UBAP1: variants seen among roughly 807,000 people sequenced by gnomAD.
The protein encoded by UBAP1 is ubiquitin-associated protein 1.
UBAP1 carries 5 observed loss-of-function variants against 39.0 expected under a neutral mutation model. The observed-to-expected ratio is 0.13, with a 90% CI of 0.07 to 0.27. UBAP1 has a LOEUF of 0.27. Ranked by LOEUF, UBAP1 falls within the 10% of genes least tolerant of loss-of-function variation. The pLI, the probability that UBAP1 is intolerant of heterozygous loss-of-function variation, is 1.00. For missense variants in UBAP1, 490 were observed against 608.1 expected, an observed-to-expected ratio of 0.81 and a Z score of 2.04; for synonymous variants, 211 against 225.1, an observed-to-expected ratio of 0.94 and a Z score of 0.56.
intron 3 of UBAP1, among the ~76,000 whole-genome samples, chr9:34,239,104 G>T (rs948803005): frequency 1.3e-5 from 2 of 152,232 alleles, no homozygotes; most frequent in Non-Finnish European, 2.9e-5. Context: ...GAGTGCAGTG[G>T]CGCCATCTTG....
intron 3 of UBAP1, among the ~76,000 whole-genome samples, chr9:34,239,528 A>G (rs1305562341): frequency 6.6e-6 from 1 of 152,260 alleles, no homozygotes; most frequent in Non-Finnish European, 1.5e-5. Context: ...GTGAGCCAGT[A>G]AAACATACAC....
rs914778818 is a variant in UBAP1, at chr9:34,185,322, C to T, written c.-8+6082C>T. Among the ~76,000 whole-genome samples, 8 of 152,066 alleles carry T rather than the reference C, an allele frequency of 5.3e-5. No individual in the cohort carries two copies. The East Asian group carries it at 5.8e-4, about 11-fold the overall frequency. On this transcript the variant is annotated intron_variant, in intron 1 of 6. Transcript: ENST00000297661. ...CAGCAGTTTGGGAATCCCAGGCGGG[C>T]GGATTGCTTGAGCCCAGAAGTTCAA...
chr9:34,215,295 A>C (rs1832241793), intron 1 of UBAP1, among the ~76,000 whole-genome samples: 1 of 151,872 alleles, frequency 6.6e-6, no homozygotes, highest in Admixed American at 6.6e-5. Context: ...GTGTGTATAT[A>C]TATGTATATA....
intron 1 of UBAP1, chr9:34,201,572 A>T (rs1434983115): frequency 6.6e-6 from 1 of 152,064 alleles, no homozygotes; most frequent in East Asian, 1.9e-4. Context: ...CAACAACAAA[A>T]ATGTAGATTA....
chr9:34,220,257 T>G (rs1272755420), intron 1 of UBAP1, among the ~76,000 whole-genome samples: 1 of 141,554 alleles, frequency 7.1e-6, no homozygotes, highest in African/African-American at 2.7e-5. Flanking sequence ...GCTTAAGTGA[T>G]CATCTCACAT....
At chr9:34,201,962 T>C (rs186930751) in intron 1 of UBAP1, among the ~76,000 whole-genome samples, 1 of 152,114 alleles carries the variant, frequency 6.6e-6, no homozygotes, top group Non-Finnish European at 1.5e-5. Flanking sequence ...TAAAGGCGAT[T>C]GCAAAGTATA....
At chr9:34,199,320 G>A (rs768628326) in intron 1 of UBAP1, among the ~76,000 whole-genome samples, 13 of 152,154 alleles carry the variant, frequency 8.5e-5, no homozygotes, top group Non-Finnish European at 1.6e-4. Flanking sequence ...TGATCCCCCC[G>A]CCTTGGCCTC....
intron 4 of UBAP1, among the ~76,000 whole-genome samples, chr9:34,244,339 T>G (rs2131627114): frequency 6.9e-6 from 1 of 144,514 alleles, no homozygotes; most frequent in East Asian, 2.0e-4. Flanking sequence ...CATAATGATC[T>G]CCAGTTCCAT....
chr9:34,224,143 G>T, intron 2 of UBAP1: 2 of 729,586 alleles, frequency 2.7e-6, no homozygotes, highest in Admixed American at 3.2e-5. Context: ...TGCTGATTTT[G>T]GCCTTTTTTT....
At position 34,195,927 on chromosome 9, in the gene UBAP1, G is replaced by GTTTTTTTTTTTTTTTTTTTTTTTT. The variant is rs57040252; in HGVS notation, c.-8+16701_-8+16724dup. On this transcript the variant is annotated intron_variant, in intron 1 of 6. Coordinates refer to ENST00000297661, the MANE Select transcript of UBAP1 (RefSeq NM_016525.5). ...TTTGGATTTCTATACAAATTTTTTG[G>GTTTTTTTTTTTTTTTTTTTTTTTT]TTTTTTTTTTTTTTTTTTTTTTTTT... Among the ~76,000 whole-genome samples, 5 of 36,144 alleles carry GTTTTTTTTTTTTTTTTTTTTTTTT rather than the reference G, an allele frequency of 1.4e-4. 2 individuals are homozygous for GTTTTTTTTTTTTTTTTTTTTTTTT. The highest frequency in any genetic ancestry group is 2.3e-4 in the Non-Finnish European group (5 of 21,948). The allele number at this position is 36,144 out of a possible 152,430, so 23.7% of individuals were successfully genotyped here. A position where few individuals can be genotyped will look rare whatever the true frequency, so the allele number is the denominator to read the frequency against.
rs187577443 is a variant in UBAP1, at chr9:34,249,178, G to A, written c.1084-601G>A. Reference sequence around the variant, plus strand: ...TAGGATGGCAGCTTTGGCAGGAAACGAAGCACAGTACATGATGTAGGGCAA... The same window carrying A: ...TAGGATGGCAGCTTTGGCAGGAAACAAAGCACAGTACATGATGTAGGGCAA... On this transcript the variant is annotated intron_variant, in intron 4 of 6. Transcript: ENST00000297661. 1.4e-3 allele frequency among the ~76,000 whole-genome samples: 207 copies of A among 152,204 alleles called. 2 individuals carry two copies. Among genetic ancestry groups the A allele is most frequent in the African/African-American group, 4.5e-3 (185 of 41,532 alleles).
chr9:34,226,290 T>C (rs2131592555), intron 2 of UBAP1, among the ~76,000 whole-genome samples: 1 of 149,192 alleles, frequency 6.7e-6, no homozygotes, highest in Admixed American at 6.8e-5. Flanking sequence ...AGTGCAGTGG[T>C]GCCATCTCTG....
At position 34,179,177 on chromosome 9, in the gene UBAP1, C is replaced by G. The variant is rs1449089101; in HGVS notation, c.-71C>G. 1 of 1,237,552 alleles carries G rather than the reference C, an allele frequency of 8.1e-7. No individual in the cohort carries two copies. Among genetic ancestry groups the G allele is most frequent in the Non-Finnish European group, 1.0e-6 (1 of 989,392 alleles). 76.7% of individuals were successfully genotyped at this position (1,237,552 alleles called of 1,614,324 possible). A position where few individuals can be genotyped will look rare whatever the true frequency, so the allele number is the denominator to read the frequency against. On this transcript the variant is annotated 5_prime_UTR_variant, in exon 1 of 7. Coordinates refer to ENST00000297661, the MANE Select transcript of UBAP1 (RefSeq NM_016525.5). Reference sequence around the variant, plus strand: ...TGTCGGGAGCTCAGCGGGGACCGAGCCTGGGAGGCCGGCCGGTGCCAGCAC... The same window carrying G: ...TGTCGGGAGCTCAGCGGGGACCGAGGCTGGGAGGCCGGCCGGTGCCAGCAC...
chr9:34,228,736 A>ATT (rs55715947), intron 2 of UBAP1, among the ~76,000 whole-genome samples: 28,226 of 140,768 alleles, frequency 0.2, 3,341 homozygotes, highest in Non-Finnish European at 0.27. Flanking sequence ...TGCCTAGCTA[A>ATT]TTTTTTTTTT....
At chr9:34,231,215 A>G (rs545547463) in intron 2 of UBAP1, among the ~76,000 whole-genome samples, 3 of 149,760 alleles carry the variant, frequency 2.0e-5, no homozygotes, top group Non-Finnish European at 4.4e-5. Flanking sequence ...GAAGTATAAA[A>G]GCATGTCTTT....
At position 34,195,888 on chromosome 9, in the gene UBAP1, C is replaced by T. The variant is rs371817354; in HGVS notation, c.-8+16648C>T. Among the ~76,000 whole-genome samples, 25 of 145,322 alleles carry T rather than the reference C, an allele frequency of 1.7e-4. No homozygotes were observed. The Middle Eastern group carries it at 0.012, about 68-fold the overall frequency. On this transcript the variant is annotated intron_variant, in intron 1 of 6. Coordinates refer to ENST00000297661, the MANE Select transcript of UBAP1 (RefSeq NM_016525.5). ...CTGGGATTACAGGCATGAGCCACCACGTCCGGCCAGTCCTTTGGATTTCTA... is the reference window on the plus strand; with the variant it reads ...CTGGGATTACAGGCATGAGCCACCATGTCCGGCCAGTCCTTTGGATTTCTA...
chr9:34,189,165 C>T (rs1830576903), intron 1 of UBAP1, among the ~76,000 whole-genome samples: 1 of 149,684 alleles, frequency 6.7e-6, no homozygotes, highest in South Asian at 2.1e-4. Flanking sequence ...TTCCCCATTT[C>T]TTTCTTCTAG....
intron 1 of UBAP1, among the ~76,000 whole-genome samples, chr9:34,182,625 T>TTCTC (rs1327381792): frequency 2.0e-4 from 7 of 34,784 alleles, no homozygotes; most frequent in African/African-American, 5.6e-4. Flanking sequence ...CCTTCTTTCT[T>TTCTC]TCTTTCTTTC....
intron 6 of UBAP1, 88 bp downstream of exon 6, chr9:34,250,847 C>CT: frequency 8.8e-7 from 1 of 1,136,054 alleles, no homozygotes; most frequent in Non-Finnish European, 1.3e-6. Context: ...CACACACAAC[C>CT]TTTTTGCTTT....
Sources: allele counts gnomAD v4.1 joint callset (sites outside exome capture counted in the v4.1 genomes callset), GRCh38; gene constraint gnomAD v4.1.1; transcripts MANE v1.5; gene names NCBI Gene and HGNC (gene_info 2026-07-23, HGNC 2026-07-21).